Variants in CDH8 observed in about 807,000 individuals in gnomAD.
CDH8 encodes the protein cadherin-8.
A neutral mutation model predicts 68.1 loss-of-function variants in CDH8; 17 were observed. The ratio of observed to expected loss-of-function variants is 0.25; its 90% CI spans 0.17 to 0.37. The LOEUF is 0.37. Ranked by LOEUF, CDH8 falls within the 10% of genes least tolerant of loss-of-function variation. The pLI, the probability that CDH8 is intolerant of heterozygous loss-of-function variation, is 1.00. For missense variants in CDH8, 763 were observed against 999.3 expected (o/e 0.76, Z 3.19); for synonymous variants, 372 against 365.1 (o/e 1.02, Z -0.21).
chr16:61,919,689 TTGGTGTACC>T, intron 2 of CDH8, among the ~76,000 whole-genome samples: 1 of 151,986 alleles, frequency 6.6e-6, no homozygotes, highest in South Asian at 2.1e-4. Context: ...CTACATCTGA[TTGGTGTACC>T]TGAAAGTGAT....
chr16:62,026,999 T>C (rs1244636795), intron 1 of CDH8, among the ~76,000 whole-genome samples: 2 of 152,180 alleles, frequency 1.3e-5, no homozygotes, highest in Non-Finnish European at 2.9e-5. Context: ...TTGAGCAAGG[T>C]TGTAAAGCTG....
chr16:61,779,464 T>TGTGTGCGC (rs796315669), intron 8 of CDH8, among the ~76,000 whole-genome samples: 14 of 141,540 alleles, frequency 9.9e-5, no homozygotes, highest in Admixed American at 5.6e-4. Context: ...TGTGTGTGTG[T>TGTGTGCGC]GCGCGCATGG....
chr16:61,973,609 A>C (rs2150578396), intron 2 of CDH8, among the ~76,000 whole-genome samples: 1 of 152,288 alleles, frequency 6.6e-6, no homozygotes, highest in South Asian at 2.1e-4. Context: ...CCCATGGCTT[A>C]ATAAAACCAC....
chr16:61,784,987 A>G (rs964249263), intron 8 of CDH8, among the ~76,000 whole-genome samples: 65 of 150,632 alleles, frequency 4.3e-4, no homozygotes, highest in Middle Eastern at 3.4e-3. Flanking sequence ...AGAAAGCAGG[A>G]AAGATCCAAA....
At chr16:61,981,044 T>A (rs1965520957) in intron 2 of CDH8, among the ~76,000 whole-genome samples, 2 of 151,984 alleles carry the variant, frequency 1.3e-5, no homozygotes, top group Non-Finnish European at 2.9e-5. Context: ...CATCAAACAA[T>A]TTTCCCAATA....
intron 5 of CDH8, 109 bp from the exon 6 acceptor site, chr16:61,821,222 G>A (rs2143000694): frequency 1.5e-6 from 1 of 676,340 alleles, no homozygotes; most frequent in Admixed American, 2.9e-5. Flanking sequence ...TCCTATAGAT[G>A]CTACCAATAA....
chr16:61,820,314 GTTTTTTT>G (rs545670875), intron 6 of CDH8, among the ~76,000 whole-genome samples: 1 of 90,762 alleles, frequency 1.1e-5, no homozygotes, highest in Non-Finnish European at 2.1e-5. Context: ...TGCCTGTTTG[GTTTTTTT>G]TTTTTTTTTT....
Position 61,653,667 on chromosome 16 carries a change from G to C in CDH8, c.2341C>G (p.Pro781Ala), listed in dbSNP as rs1037361470. Residue 781 changes from proline to alanine, a missense_variant, in exon 12 of 12, where the codon CCC (proline) becomes GCC (alanine). Pro to Ala is a conservative substitution (Grantham distance 27). Around this residue, in one of 2 missense-constraint regions of CDH8, gnomAD observed 397 missense variants for 436.2 expected, o/e 0.91. Coordinates refer to ENST00000577390, the MANE Select transcript of CDH8 (RefSeq NM_001796.5). ...QNFDYLSDWG[P>A]RFKRLGELYS... Reference sequence around the variant, plus strand: ...AGTTCGCCCAGTCTCTTAAAGCGGGGACCCCAGTCACTGAGGTAGTCAAAA... The same window carrying C: ...AGTTCGCCCAGTCTCTTAAAGCGGGCACCCCAGTCACTGAGGTAGTCAAAA... 1.9e-6 allele frequency: 3 copies of C among 1,613,836 alleles called. No individual in the cohort carries two copies. The African/African-American group carries it at 4.0e-5, about 22-fold the overall frequency.
At chr16:61,861,589 GCC>G (rs1963150780) in intron 3 of CDH8, among the ~76,000 whole-genome samples, 1 of 152,158 alleles carries the variant, frequency 6.6e-6, no homozygotes, top group South Asian at 2.1e-4. Context: ...TATTCTACAA[GCC>G]TCAAAGTTTT....
intron 10 of CDH8, among the ~76,000 whole-genome samples, chr16:61,702,004 G>A (rs1964438357): frequency 6.6e-6 from 1 of 152,074 alleles, no homozygotes. Flanking sequence ...AATTTAGAAC[G>A]GAAAGTTGTG....
intron 8 of CDH8, among the ~76,000 whole-genome samples, chr16:61,742,163 T>C (rs752718866): frequency 6.6e-6 from 1 of 152,150 alleles, no homozygotes; most frequent in African/African-American, 2.4e-5. Context: ...TTTGTTTAAT[T>C]TTCTGAGTAT....
Position 61,653,531 on chromosome 16 carries a change from C to T in CDH8, c.*77G>A, listed in dbSNP as rs924446121. On this transcript the variant is annotated 3_prime_UTR_variant, in exon 12 of 12. Transcript: ENST00000577390. ...AACTTGCCTCTAAAACAAATAGCCA[C>T]ATTGGTTGTATCTAAGGGGAGTGAC... 7.9e-6 allele frequency: 12 copies of T among 1,513,490 alleles called. No homozygotes were observed. Among genetic ancestry groups the T allele is most frequent in the African/African-American group, 1.4e-5 (1 of 71,576 alleles). 93.8% of individuals were successfully genotyped at this position (1,513,490 alleles called of 1,614,324 possible).
chr16:61,816,427 G>A (rs1353677716), intron 7 of CDH8, among the ~76,000 whole-genome samples: 5 of 152,140 alleles, frequency 3.3e-5, no homozygotes, highest in Non-Finnish European at 4.4e-5. Flanking sequence ...CCCAAATGAA[G>A]TAATTGGAAG....
chr16:61,888,550 G>A (rs1323254099), intron 3 of CDH8, among the ~76,000 whole-genome samples: 2 of 152,088 alleles, frequency 1.3e-5, no homozygotes. Flanking sequence ...AAGATCATGA[G>A]TAAACTACTT....
chr16:61,678,974 A>G (rs570773171), intron 10 of CDH8, among the ~76,000 whole-genome samples: 1 of 152,186 alleles, frequency 6.6e-6, no homozygotes, highest in East Asian at 1.9e-4. Flanking sequence ...ATGGTCATCA[A>G]CAGTGCTGTT....
At chr16:61,985,623 G>T (rs1340306706) in intron 2 of CDH8, among the ~76,000 whole-genome samples, 1 of 152,120 alleles carries the variant, frequency 6.6e-6, no homozygotes, top group Non-Finnish European at 1.5e-5. Context: ...CTCCCAAGTA[G>T]CTGGGATTAC....
chr16:61,661,352 A>C (rs2142755532), intron 10 of CDH8, among the ~76,000 whole-genome samples: 1 of 151,996 alleles, frequency 6.6e-6, no homozygotes, highest in South Asian at 2.1e-4. Flanking sequence ...AGGCCATAAA[A>C]CAAACCTCAA....
chr16:61,774,380 ACAGT>A (rs970325623), intron 8 of CDH8, among the ~76,000 whole-genome samples: 2 of 151,262 alleles, frequency 1.3e-5, no homozygotes, highest in African/African-American at 4.9e-5. Context: ...CCCTGTGAAC[ACAGT>A]CAGTGCCCCA....
intron 9 of CDH8, among the ~76,000 whole-genome samples, chr16:61,723,425 T>G (rs745501156): frequency 6.6e-6 from 1 of 150,814 alleles, no homozygotes; most frequent in African/African-American, 2.4e-5. Context: ...TTTTCAGTAC[T>G]TGATAGATGT....
Sources: allele counts gnomAD v4.1 joint callset (sites outside exome capture counted in the v4.1 genomes callset), GRCh38; gene constraint gnomAD v4.1.1; regional missense constraint gnomAD v4.1.1; transcripts MANE v1.5; gene names NCBI Gene and HGNC (gene_info 2026-07-23, HGNC 2026-07-21).